ERO1B: variants seen among roughly 807,000 people sequenced by gnomAD.
ERO1B encodes the protein endoplasmic reticulum oxidoreductase 1 beta.
In ERO1B, 49 loss-of-function variants were observed where a neutral mutation model predicts 75.3. The observed-to-expected ratio is 0.65, with a 90% CI of 0.52 to 0.83. The LOEUF (loss-of-function observed/expected upper bound fraction) is 0.83. Among genes scored for constraint, ERO1B ranks in the 40% least tolerant of loss-of-function variants. ERO1B has a pLI of 0.00. For synonymous variants in ERO1B, 191 were observed against 192.9 expected (o/e 0.99, Z 0.08); for missense variants, 512 against 560.1 (o/e 0.91, Z 0.87).
chr1:236,260,606 A>C (rs2695070), intron 2 of ERO1B, among the ~76,000 whole-genome samples: 37,129 of 151,064 alleles, frequency 0.25, 4,730 homozygotes, highest in East Asian at 0.38. Context: ...TGGAGGTTGC[A>C]ATGAGCCGAG....
chr1:236,236,319 T>G lies in ERO1B; in HGVS notation c.585A>C (p.Ala195=). The change falls in exon 7 of 16, where the codon GCA becomes GCC. Residue 195 remains alanine (A), a synonymous_variant. Coordinates refer to ENST00000354619, the MANE Select transcript of ERO1B (RefSeq NM_019891.4). The part of the protein sequence containing the change: ...ERYTGYKGTS[A]WRVWNSIYEE... ...CATAGATGCTGTTCCACACTCTCCA[T>G]GCAGAGGTCCCTTTATAGCCAGTGT... 1 of 1,606,458 alleles carries G rather than the reference T, an allele frequency of 6.2e-7. No individual in the cohort carries two copies. Among genetic ancestry groups the G allele is most frequent in the Non-Finnish European group, 8.5e-7 (1 of 1,175,412 alleles).
In ERO1B at chr1:236,236,232, C is replaced by A. The variant is rs377058576; in HGVS notation, c.626+46G>T. On this transcript the variant is annotated intron_variant, in intron 7 of 15. Transcript: ENST00000354619. ...GTGAGCCACAGCACCCGGCCTCTCC[C>A]GACCCTCTATCAGTCGTTCCTTCTT... 2.5e-6 allele frequency: 4 copies of A among 1,609,732 alleles called. No homozygotes were observed. In the South Asian group the frequency reaches 3.3e-5, roughly 13 times the overall value.
At chr1:236,233,331 G>A (rs1272206886) in intron 8 of ERO1B, among the ~76,000 whole-genome samples, 3 of 148,744 alleles carry the variant, frequency 2.0e-5, no homozygotes, top group Admixed American at 6.7e-5. Flanking sequence ...AAAGAAGAAG[G>A]CTGGGCACGG....
intron 1 of ERO1B, among the ~76,000 whole-genome samples, chr1:236,274,026 C>A (rs1665658873): frequency 7.0e-6 from 1 of 142,568 alleles, no homozygotes; most frequent in Non-Finnish European, 1.5e-5. Context: ...CTCTGTCACC[C>A]AAGCAAGAGC....
chr1:236,250,725 CATAT>C (rs1188862840), intron 4 of ERO1B, among the ~76,000 whole-genome samples: 1 of 150,106 alleles, frequency 6.7e-6, no homozygotes, highest in East Asian at 2.0e-4. Context: ...TACATACGTA[CATAT>C]ATATACACAC....
intron 2 of ERO1B, among the ~76,000 whole-genome samples, chr1:236,257,802 C>T (rs1345547795): frequency 6.7e-6 from 1 of 149,978 alleles, no homozygotes; most frequent in East Asian, 2.0e-4. Context: ...TAGAGGGGTC[C>T]AACAGCAGAC....
intron 1 of ERO1B, among the ~76,000 whole-genome samples, chr1:236,279,466 G>A (rs1020420971): frequency 1.1e-4 from 15 of 132,034 alleles, no homozygotes; most frequent in Non-Finnish European, 1.5e-4. Context: ...TGGCGCCACC[G>A]CACTCCAGTC....
At chr1:236,268,714 G>A (rs190532123) in intron 2 of ERO1B, among the ~76,000 whole-genome samples, 173 of 151,420 alleles carry the variant, frequency 1.1e-3, no homozygotes, top group East Asian at 4.0e-3. Flanking sequence ...GTGAAACCCC[G>A]TCTCTACTAA....
intron 5 of ERO1B, among the ~76,000 whole-genome samples, chr1:236,244,142 G>C (rs560713489): frequency 5.3e-5 from 8 of 152,094 alleles, no homozygotes; most frequent in Non-Finnish European, 1.0e-4. Flanking sequence ...GGCCTTCTCT[G>C]TATTGAATAC....
chr1:236,268,589 A>T (rs1665510398), intron 2 of ERO1B, among the ~76,000 whole-genome samples: 1 of 152,216 alleles, frequency 6.6e-6, no homozygotes, highest in Non-Finnish European at 1.5e-5. Flanking sequence ...CCTGTCTCTA[A>T]AAAAAGCAAA....
chr1:236,269,953 G>A lies in ERO1B; in HGVS notation c.144C>T (p.Ser48=). 6.2e-7 allele frequency: 1 copy of A among 1,602,492 alleles called. No homozygotes were observed. The highest frequency in any genetic ancestry group is 8.5e-7 in the Non-Finnish European group (1 of 1,169,802). ...TTTTGTAGGTATTGAAGTTATCGAT[G>A]CTGTCAATATCACACAAGCAATCAT... ...VLDDCLCDID[S]IDNFNTYKIF... is the part of the protein sequence containing the mutation. The change falls in exon 2 of 16, where the codon AGC becomes AGT. Residue 48 remains serine, a synonymous_variant. Transcript: ENST00000354619.
intron 11 of ERO1B, 44 bp from the exon 12 acceptor site, chr1:236,226,559 AT>A (rs35475164): frequency 0.047 from 75,573 of 1,595,486 alleles, 5,438 homozygotes; most frequent in East Asian, 0.4. Context: ...AGTAAACAGG[AT>A]TTTTTTTCTG....
At chr1:236,239,751 T>C (rs1664635826) in intron 6 of ERO1B, among the ~76,000 whole-genome samples, 1 of 149,372 alleles carries the variant, frequency 6.7e-6, no homozygotes, top group African/African-American at 2.4e-5. Flanking sequence ...ATTCTTGGAA[T>C]TCATGAAGTT....
intron 1 of ERO1B, among the ~76,000 whole-genome samples, chr1:236,274,305 A>G (rs528539694): frequency 6.6e-6 from 1 of 152,292 alleles, no homozygotes; most frequent in South Asian, 2.1e-4. Flanking sequence ...AATATTTAAT[A>G]TTAATCTATG....
chr1:236,234,369 G>T (rs1422150870), intron 8 of ERO1B, among the ~76,000 whole-genome samples: 1 of 152,092 alleles, frequency 6.6e-6, no homozygotes, highest in Non-Finnish European at 1.5e-5. Flanking sequence ...TGTATTTTCT[G>T]CTTTAAAAGT....
intron 1 of ERO1B, among the ~76,000 whole-genome samples, chr1:236,279,300 C>T (rs1346235950): frequency 2.7e-5 from 4 of 150,606 alleles, no homozygotes; most frequent in African/African-American, 7.3e-5. Flanking sequence ...GTCAGGAGTT[C>T]GAGACCAGCC....
At chr1:236,263,475 C>T (rs902535544) in intron 2 of ERO1B, among the ~76,000 whole-genome samples, 2 of 152,034 alleles carry the variant, frequency 1.3e-5, no homozygotes, top group East Asian at 1.9e-4. Context: ...GTCTCGAACT[C>T]CTGACCTCAA....
At chr1:236,247,931 C>T (rs1185941375) in intron 5 of ERO1B, among the ~76,000 whole-genome samples, 1 of 122,524 alleles carries the variant, frequency 8.2e-6, no homozygotes. Context: ...GTATTATCTT[C>T]TCTGACCACC....
At chr1:236,280,337 A>C (rs1320088063) in intron 1 of ERO1B, among the ~76,000 whole-genome samples, 1 of 152,266 alleles carries the variant, frequency 6.6e-6, no homozygotes, top group African/African-American at 2.4e-5. Context: ...AATTTTGCCA[A>C]AGACAATTTG....
Sources: allele counts gnomAD v4.1 joint callset (sites outside exome capture counted in the v4.1 genomes callset), GRCh38; gene constraint gnomAD v4.1.1; transcripts MANE v1.5; gene names NCBI Gene and HGNC (gene_info 2026-07-23, HGNC 2026-07-21).